Variants in HELZ observed in about 807,000 individuals in gnomAD.
The protein encoded by HELZ is ATP-dependent RNA helicase with zinc finger domain.
A neutral mutation model predicts 218.2 loss-of-function variants in HELZ; 23 were observed. The ratio of observed to expected loss-of-function variants is 0.11; its 90% CI spans 0.08 to 0.15. HELZ has a LOEUF of 0.15. Ranked by LOEUF, HELZ falls within the 10% of genes least tolerant of loss-of-function variation. HELZ has a pLI of 1.00. For missense variants in HELZ, 1,813 were observed against 2,353.7 expected, an observed-to-expected ratio of 0.77 and a Z score of 4.75; for synonymous variants, 814 against 829.4, an observed-to-expected ratio of 0.98 and a Z score of 0.32.
intron 27 of HELZ, among the ~76,000 whole-genome samples, chr17:67,115,648 T>C (rs1313112142): frequency 1.3e-5 from 2 of 151,990 alleles, no homozygotes; most frequent in Admixed American, 6.5e-5. Context: ...GAGAAAATGG[T>C]AGAACAACAC....
At chr17:67,107,756 A>G in intron 30 of HELZ, 71 bp from the exon 31 acceptor site, 1 of 1,366,790 alleles carries the variant, frequency 7.3e-7, no homozygotes, top group Non-Finnish European at 1.0e-6. Context: ...TTAGTCAACT[A>G]CACATGTATT....
intron 20 of HELZ, among the ~76,000 whole-genome samples, 189 bp downstream of exon 20, chr17:67,148,380 T>A (rs1334942688): frequency 3.9e-5 from 6 of 152,324 alleles, no homozygotes; most frequent in Middle Eastern, 3.4e-3. Context: ...AGCCCTATTC[T>A]GTGAAAAATT....
At chr17:67,240,170 T>C (rs1205146742) in intron 2 of HELZ, among the ~76,000 whole-genome samples, 1 of 152,234 alleles carries the variant, frequency 6.6e-6, no homozygotes, top group Non-Finnish European at 1.5e-5. Context: ...AAGCTGATGG[T>C]AGTTTATCAT....
chr17:67,244,931 T>G, intron 1 of HELZ: 1 of 985,848 alleles, frequency 1.0e-6, no homozygotes, highest in Non-Finnish European at 1.2e-6. Context: ...GGGGACTAAG[T>G]AGGGGAAGAA....
intron 24 of HELZ, among the ~76,000 whole-genome samples, chr17:67,125,343 T>TATATATATACATACAC (rs1555605956): frequency 1.6e-5 from 1 of 61,398 alleles, no homozygotes; most frequent in Non-Finnish European, 3.1e-5. Flanking sequence ...TATATATATA[T>TATATATATACATACAC]ATACTTGTGA....
At chr17:67,133,436 T>C (rs777497032) in intron 23 of HELZ, among the ~76,000 whole-genome samples, 2 of 152,228 alleles carry the variant, frequency 1.3e-5, no homozygotes, top group African/African-American at 2.4e-5. Context: ...AAAGGGGTAA[T>C]GGTTTCTTTA....
rs530897323 is a variant in HELZ at position 67,225,987 on chromosome 17, C to T, written c.-18-7165G>A. 2.0e-5 allele frequency among the ~76,000 whole-genome samples: 3 copies of T among 152,134 alleles called. No individual in the cohort carries two copies. In the South Asian group the frequency reaches 6.2e-4, roughly 32 times the overall value. Reference sequence around the variant, plus strand: ...GAAATATAAAGAACTCCCTGACGGGCGTGGTGGCTCACACCTGTAATCCCA... The same window carrying T: ...GAAATATAAAGAACTCCCTGACGGGTGTGGTGGCTCACACCTGTAATCCCA... On this transcript the variant is annotated intron_variant, in intron 3 of 32. Coordinates refer to ENST00000358691, the MANE Select transcript of HELZ (RefSeq NM_014877.4).
intron 12 of HELZ, among the ~76,000 whole-genome samples, chr17:67,182,351 A>G (rs1469563377): frequency 6.6e-6 from 1 of 152,196 alleles, no homozygotes; most frequent in Non-Finnish European, 1.5e-5. Context: ...AGGCTGAGGC[A>G]GGAGAATCGC....
At chr17:67,123,815 C>CTGTGTG (rs58616216) in intron 25 of HELZ, 148 bp downstream of exon 25, 41,705 of 529,948 alleles carry the variant, frequency 0.079, 974 homozygotes, top group African/African-American at 0.16. Context: ...TCCAAAGTGA[C>CTGTGTG]TGTGTGTGTG....
At chr17:67,203,572 G>T in intron 5 of HELZ, 129 bp from the exon 6 acceptor site, 1 of 1,007,444 alleles carries the variant, frequency 9.9e-7, no homozygotes. Flanking sequence ...ATACTCTAGA[G>T]GGAAGCAGTG....
At chr17:67,241,402 C>T (rs1222592198) in intron 2 of HELZ, among the ~76,000 whole-genome samples, 2 of 152,186 alleles carry the variant, frequency 1.3e-5, no homozygotes, top group Non-Finnish European at 1.5e-5. Flanking sequence ...ATAGACTAAT[C>T]TACATTCAAT....
At chr17:67,104,102 A>G (rs1315653650) in intron 31 of HELZ, among the ~76,000 whole-genome samples, 1 of 152,202 alleles carries the variant, frequency 6.6e-6, no homozygotes, top group Non-Finnish European at 1.5e-5. Flanking sequence ...AAAATGGACC[A>G]AAGAACTAAG....
At chr17:67,152,908 T>C (rs2038731464) in intron 17 of HELZ, among the ~76,000 whole-genome samples, 1 of 151,676 alleles carries the variant, frequency 6.6e-6, no homozygotes. Flanking sequence ...GGAAGCAAAA[T>C]GAAGCAAGTG....
intron 27 of HELZ, 71 bp downstream of exon 27, chr17:67,120,334 G>A: frequency 8.0e-7 from 1 of 1,253,048 alleles, no homozygotes; most frequent in Non-Finnish European, 1.2e-6. Context: ...ACTGTTAAAG[G>A]AACTTTCTAT....
At chr17:67,238,722 TAAGGA>T (rs2041250383) in intron 3 of HELZ, among the ~76,000 whole-genome samples, 2 of 152,192 alleles carry the variant, frequency 1.3e-5, no homozygotes, top group South Asian at 4.1e-4. Context: ...TGATGCCTCA[TAAGGA>T]AAGTATTAAA....
chr17:67,216,199 C>T (rs541355382), intron 4 of HELZ, among the ~76,000 whole-genome samples: 5 of 152,274 alleles, frequency 3.3e-5, no homozygotes, highest in African/African-American at 9.6e-5. Flanking sequence ...CCTCCCTCCC[C>T]GCCAAAAGCT....
chr17:67,089,698 G>GAGAGAGAGAGAC (rs1379133150), intron 31 of HELZ, among the ~76,000 whole-genome samples: 10 of 139,528 alleles, frequency 7.2e-5, no homozygotes, highest in African/African-American at 2.8e-4. Flanking sequence ...GAGAGAGAGA[G>GAGAGAGAGAGAC]AGACAGAGAG....
chr17:67,098,110 A>G (rs1366961076), intron 31 of HELZ, among the ~76,000 whole-genome samples: 1 of 152,202 alleles, frequency 6.6e-6, no homozygotes, highest in African/African-American at 2.4e-5. Flanking sequence ...AATTCTTCAC[A>G]AGAACATAAT....
rs2039150160 is a variant in HELZ, at chr17:67,166,541, T to C, written c.1832A>G (p.Lys611Arg). ...GTCTGGAAACAAAACCCCATTGTCC[T>C]TGATCCTGTCTAGTGCATAGTGCAT... Reference protein sequence around the residue: ...CEMHYALDRIKDNGVLFPDIS... With the variant: ...CEMHYALDRIRDNGVLFPDIS... The change falls in exon 15 of 33, where the codon AAG becomes AGG. Residue 611 changes from lysine (K) to arginine (R), a missense_variant. Lys to Arg is a conservative substitution (Grantham distance 26, BLOSUM62 2). Transcript: ENST00000358691. The C allele has an allele frequency of 6.2e-7, 1 of 1,613,184 alleles. No homozygotes were observed. Among genetic ancestry groups the C allele is most frequent in the Non-Finnish European group, 8.5e-7 (1 of 1,179,296 alleles).
Sources: allele counts gnomAD v4.1 joint callset (sites outside exome capture counted in the v4.1 genomes callset), GRCh38; gene constraint gnomAD v4.1.1; transcripts MANE v1.5; gene names NCBI Gene and HGNC (gene_info 2026-07-23, HGNC 2026-07-21).